Variants in PCDH15 observed in about 807,000 individuals in gnomAD.
The protein encoded by PCDH15 is protocadherin related 15.
PCDH15 carries 129 observed loss-of-function variants against 178.5 expected under a neutral mutation model. That is an observed-to-expected ratio of 0.72 (90% CI 0.63 to 0.84). The LOEUF is 0.84. Among genes scored for constraint, PCDH15 ranks in the 40% least tolerant of loss-of-function variants. PCDH15 has a pLI of 0.00. For synonymous variants in PCDH15, 800 were observed against 732.0 expected (o/e 1.09, Z -1.50); for missense variants, 2,230 against 2,099.9 (o/e 1.06, Z -1.21).
rs1256659707 is a variant in PCDH15 at position 54,219,105 on chromosome 10, AAAC to A, written c.986-5060_986-5058del. On this transcript the variant is annotated intron_variant, in intron 9 of 37. Coordinates refer to ENST00000644397, the MANE Select transcript of PCDH15 (RefSeq NM_001384140.1). ...TGTCTCTACTAAAAAAAAAAAAAAAAAACAAAAAAAAAACAAAAAATTAGCCGG... is the reference window on the plus strand; with the variant it reads ...TGTCTCTACTAAAAAAAAAAAAAAAAAAAAAAAAAACAAAAAATTAGCCGG... Among the ~76,000 whole-genome samples the A allele has an allele frequency of 1.0e-3, 109 of 104,002 alleles. 1 individual carries two copies. The highest frequency in any genetic ancestry group is 3.5e-3 in the African/African-American group (95 of 26,890). The allele number at this position is 104,002 out of a possible 152,430, so 68.2% of individuals were successfully genotyped here.
At chr10:54,546,483 T>C (rs1397659475) in intron 2 of PCDH15, among the ~76,000 whole-genome samples, 1 of 152,086 alleles carries the variant, frequency 6.6e-6, no homozygotes, top group Non-Finnish European at 1.5e-5. Flanking sequence ...TTTAGGAATT[T>C]ATTATAAGAA....
At chr10:54,479,005 GAAAA>G (rs557476375) in intron 3 of PCDH15, among the ~76,000 whole-genome samples, 1 of 96,060 alleles carries the variant, frequency 1.0e-5, no homozygotes, top group African/African-American at 3.8e-5. Context: ...CTAGGGAAAA[GAAAA>G]AAAAAAAAAA....
In PCDH15 at chr10:54,430,311, T is replaced by C. The variant is rs1169503053; in HGVS notation, c.158-51369A>G. Among the ~76,000 whole-genome samples, 5 of 152,186 alleles carry C rather than the reference T, an allele frequency of 3.3e-5. No individual in the cohort carries two copies. The East Asian group carries it at 9.7e-4, about 29-fold the overall frequency. On this transcript the variant is annotated intron_variant, in intron 3 of 37. Transcript: ENST00000644397. ...CTTAGGTGATCCGCCAGCCTCAGCC[T>C]ACCAAAGTGTTTGGATTACAGGCGT...
chr10:54,269,919 A>T (rs2132467506), intron 8 of PCDH15, among the ~76,000 whole-genome samples: 1 of 152,164 alleles, frequency 6.6e-6, no homozygotes, highest in East Asian at 1.9e-4. Context: ...TACACATAAT[A>T]AATTTCTAAG....
chr10:55,593,347 A>G (rs994823374), intron 2 of PCDH15, among the ~76,000 whole-genome samples: 1 of 152,136 alleles, frequency 6.6e-6, no homozygotes, highest in African/African-American at 2.4e-5. Flanking sequence ...GTTTCTAACA[A>G]ATTTTACTGT....
chr10:55,532,895 A>G (rs1272208800), intron 2 of PCDH15, among the ~76,000 whole-genome samples: 6 of 152,036 alleles, frequency 3.9e-5, no homozygotes, highest in Admixed American at 2.0e-4. Flanking sequence ...TACTGTCATG[A>G]TTCAACTCAT....
At chr10:55,079,927 G>A (rs1841995136) in intron 2 of PCDH15, among the ~76,000 whole-genome samples, 1 of 152,110 alleles carries the variant, frequency 6.6e-6, no homozygotes, top group East Asian at 1.9e-4. Flanking sequence ...TTTGATCTCA[G>A]GCCCCAGGTA....
chr10:54,222,293 C>T (rs1226738636), intron 9 of PCDH15, among the ~76,000 whole-genome samples: 5 of 152,152 alleles, frequency 3.3e-5, no homozygotes, highest in Admixed American at 1.3e-4. Flanking sequence ...ATACCACAAT[C>T]GGGATATAGA....
At chr10:55,327,633 A>T (rs752045804) in intron 2 of PCDH15, among the ~76,000 whole-genome samples, 1 of 152,096 alleles carries the variant, frequency 6.6e-6, no homozygotes, top group Non-Finnish European at 1.5e-5. Flanking sequence ...AGTAAAAAAA[A>T]TCAGCATAAT....
At chr10:54,202,786 T>C (rs1248724063) in intron 10 of PCDH15, among the ~76,000 whole-genome samples, 1 of 135,450 alleles carries the variant, frequency 7.4e-6, no homozygotes. Context: ...CATTCCAGCC[T>C]GAGCAACAAG....
At chr10:54,570,904 G>A (rs986689134) in intron 2 of PCDH15, among the ~76,000 whole-genome samples, 4 of 150,702 alleles carry the variant, frequency 2.7e-5, no homozygotes, top group East Asian at 2.0e-4. Flanking sequence ...CTGGCCTCAC[G>A]ATTCACCTGC....
At chr10:53,990,649 A>T (rs2091409055) in intron 21 of PCDH15, among the ~76,000 whole-genome samples, 1 of 151,882 alleles carries the variant, frequency 6.6e-6, no homozygotes. Flanking sequence ...AGAGGTGACA[A>T]CATGCTGGTG....
At chr10:55,539,924 T>A (rs1047702228) in intron 2 of PCDH15, among the ~76,000 whole-genome samples, 1 of 152,092 alleles carries the variant, frequency 6.6e-6, no homozygotes, top group Non-Finnish European at 1.5e-5. Context: ...TTGAGTTAGT[T>A]ACTGTCATTG....
chr10:54,792,533 C>T (rs955849279), intron 1 of PCDH15, among the ~76,000 whole-genome samples: 10 of 151,876 alleles, frequency 6.6e-5, no homozygotes, highest in African/African-American at 2.4e-4. Context: ...AGACTGACAA[C>T]CCAAGTGTGG....
chr10:55,035,585 T>C (rs1840715608), intron 2 of PCDH15, among the ~76,000 whole-genome samples: 1 of 152,204 alleles, frequency 6.6e-6, no homozygotes, highest in Non-Finnish European at 1.5e-5. Flanking sequence ...TGGGACTTTC[T>C]TGGGGCAAAA....
chr10:54,632,518 TATGGGG>T (rs2093730694), intron 2 of PCDH15, among the ~76,000 whole-genome samples: 1 of 152,120 alleles, frequency 6.6e-6, no homozygotes, highest in South Asian at 2.1e-4. Context: ...GTGAGAAACA[TATGGGG>T]ATACTCTGTA....
intron 2 of PCDH15, among the ~76,000 whole-genome samples, chr10:55,355,347 G>A (rs907084131): frequency 7.2e-5 from 11 of 151,878 alleles, no homozygotes; most frequent in South Asian, 2.1e-4. Context: ...GTTTTCCAGC[G>A]TCCCACCAGC....
At chr10:54,850,924 G>A (rs1469816085) in intron 3 of PCDH15, among the ~76,000 whole-genome samples, 3 of 152,172 alleles carry the variant, frequency 2.0e-5, no homozygotes, top group Non-Finnish European at 4.4e-5. Flanking sequence ...ATATATCAAT[G>A]TGGCAGTTGA....
intron 2 of PCDH15, among the ~76,000 whole-genome samples, chr10:54,588,985 G>A (rs967552799): frequency 6.6e-6 from 1 of 152,128 alleles, no homozygotes; most frequent in African/African-American, 2.4e-5. Context: ...GTTTGAGAAA[G>A]TAATAGAATT....
Sources: gnomAD v4.1 joint callset for allele counts (sites outside exome capture counted in the v4.1 genomes callset) on GRCh38, gnomAD v4.1.1 for gene constraint, MANE v1.5 for transcripts, NCBI Gene and HGNC (gene_info 2026-07-23, HGNC 2026-07-21) for gene names.